The following TMEM74 variants were observed in gnomAD, a reference collection of about 807,000 sequenced individuals.
TMEM74 encodes the protein transmembrane protein 74.
A neutral mutation model predicts 18.1 loss-of-function variants in TMEM74; 13 were observed. The ratio of observed to expected loss-of-function variants is 0.72; its 90% confidence interval spans 0.47 to 1.14. The LOEUF is 1.14. Among genes scored for constraint, TMEM74 ranks in the 50% most tolerant of loss-of-function variants. TMEM74 has a pLI of 0.00. For missense variants in TMEM74, 372 were observed against 375.9 expected (o/e 0.99, Z 0.09); for synonymous variants, 159 against 146.6 (o/e 1.08, Z -0.61).
chr8:108,778,290 C>T (rs974686067), downstream of TMEM74, among the ~76,000 whole-genome samples: 1 of 152,108 alleles, frequency 6.6e-6, no homozygotes, highest in African/African-American at 2.4e-5. Context: ...TACATGTTGA[C>T]CTGGTGCAGT....
At chr8:108,648,010 A>G (rs1406741589) in intron 2 of TMEM74, among the ~76,000 whole-genome samples, 1 of 152,154 alleles carries the variant, frequency 6.6e-6, no homozygotes, top group African/African-American at 2.4e-5. Context: ...TAGCCATGCA[A>G]AGACCTCAGT....
intron 1 of TMEM74, among the ~76,000 whole-genome samples, chr8:108,764,988 C>G (rs759217620): frequency 9.9e-5 from 15 of 152,096 alleles, no homozygotes; most frequent in Non-Finnish European, 1.6e-4. Context: ...TTTTAGGGCT[C>G]TGATGTGTCT....
At chr8:108,785,951 A>G (rs534742753) in intron 1 of TMEM74, among the ~76,000 whole-genome samples, 1 of 151,236 alleles carries the variant, frequency 6.6e-6, no homozygotes, top group East Asian at 1.9e-4. Flanking sequence ...GGGCCAACCC[A>G]CTCCTCCACA....
At chr8:108,734,757 T>C (rs1014549001) in intron 1 of TMEM74, among the ~76,000 whole-genome samples, 3 of 152,316 alleles carry the variant, frequency 2.0e-5, no homozygotes, top group Admixed American at 6.5e-5. Context: ...AGGTTCATCC[T>C]CGCATCAATT....
At chr8:108,647,177 G>T (rs114844724) in intron 2 of TMEM74, among the ~76,000 whole-genome samples, 6 of 152,198 alleles carry the variant, frequency 3.9e-5, no homozygotes, top group East Asian at 1.9e-4. Flanking sequence ...TGTATTAACA[G>T]CAATCAGGCA....
At chr8:108,744,093 G>T (rs1346532004) in intron 1 of TMEM74, among the ~76,000 whole-genome samples, 1 of 152,092 alleles carries the variant, frequency 6.6e-6, no homozygotes, top group Non-Finnish European at 1.5e-5. Flanking sequence ...TACACTTTAT[G>T]ATTTTACTGT....
At chr8:108,706,960 C>T (rs1023879488) in intron 1 of TMEM74, among the ~76,000 whole-genome samples, 10 of 151,992 alleles carry the variant, frequency 6.6e-5, no homozygotes, top group African/African-American at 1.7e-4. Context: ...TTCCTTTTCC[C>T]GCCTTGAAGT....
At chr8:108,654,650 T>C (rs1244860648) in intron 2 of TMEM74, among the ~76,000 whole-genome samples, 1 of 152,094 alleles carries the variant, frequency 6.6e-6, no homozygotes, top group Non-Finnish European at 1.5e-5. Flanking sequence ...GAAAAGGCAA[T>C]GGGAAGAATT....
At chr8:108,745,439 A>AT (rs771240787) in intron 1 of TMEM74, among the ~76,000 whole-genome samples, 88 of 152,188 alleles carry the variant, frequency 5.8e-4, no homozygotes, top group Non-Finnish European at 9.7e-4. Context: ...AAAAAAAGCT[A>AT]TTTTTTCTCT....
chr8:108,624,259 C>A (rs1464165765), intron 2 of TMEM74, among the ~76,000 whole-genome samples: 1 of 152,038 alleles, frequency 6.6e-6, no homozygotes, highest in African/African-American at 2.4e-5. Flanking sequence ...GTTAACCTGG[C>A]CTTGGCCAGT....
rs770024088 is a variant in TMEM74 at position 108,784,718 on chromosome 8, C to A, written c.381G>T (p.Ser127=). 8.7e-6 allele frequency: 14 copies of A among 1,614,106 alleles called. No individual in the cohort carries two copies. Among genetic ancestry groups the A allele is most frequent in the Non-Finnish European group, 1.2e-5 (14 of 1,179,994 alleles). ...GGTGATTATGCCCTTTTGCTGATGG[C>A]GAGCTCCGGTTCCGCTGCTCCAAGT... ...NINLEQRNRS[S]PSAKGHNHPG... Residue 127 remains serine, a synonymous_variant, in exon 2 of 2, where the codon TCG becomes TCT. Transcript: ENST00000297459.
At position 108,742,140 on chromosome 8, in the gene TMEM74, C is replaced by T. The variant is rs151206568; in HGVS notation, n.119+45336G>A. Reference sequence around the variant, plus strand: ...AGAAGGGAGCAACAGACACTGGGGTCGGGTTGAGGGTGGGAGGAGGGAGAG... The same window carrying T: ...AGAAGGGAGCAACAGACACTGGGGTTGGGTTGAGGGTGGGAGGAGGGAGAG... On this transcript the variant is annotated intron_variant and non_coding_transcript_variant, in intron 1 of 3. Transcript: ENST00000518838. 5.8e-3 allele frequency among the ~76,000 whole-genome samples: 877 copies of T among 151,288 alleles called. 1 individual carries two copies. Among genetic ancestry groups the T allele is most frequent in the Non-Finnish European group, 8.3e-3 (565 of 67,814 alleles).
intron 1 of TMEM74, among the ~76,000 whole-genome samples, chr8:108,751,543 C>G (rs1054937665): frequency 1.3e-5 from 2 of 152,012 alleles, no homozygotes; most frequent in Admixed American, 1.3e-4. Flanking sequence ...ACATTGGTTA[C>G]AAATTTATAT....
intron 1 of TMEM74, among the ~76,000 whole-genome samples, chr8:108,702,208 G>A (rs1813342645): frequency 6.6e-6 from 1 of 151,922 alleles, no homozygotes; most frequent in African/African-American, 2.4e-5. Context: ...GCCAGGTGTG[G>A]TGGTGGGCAC....
chr8:108,748,011 C>T (rs1281429376), intron 1 of TMEM74, among the ~76,000 whole-genome samples: 1 of 152,010 alleles, frequency 6.6e-6, no homozygotes, highest in African/African-American at 2.4e-5. Context: ...GTGAATAGTG[C>T]TGCAATGAAC....
chr8:108,663,658 G>A (rs1049602976), intron 1 of TMEM74, among the ~76,000 whole-genome samples: 7 of 152,160 alleles, frequency 4.6e-5, no homozygotes, highest in African/African-American at 7.2e-5. Context: ...ATACATGCAC[G>A]CATATGTTCA....
intron 1 of TMEM74, among the ~76,000 whole-genome samples, chr8:108,759,757 GA>G (rs1342578052): frequency 6.6e-6 from 1 of 152,132 alleles, no homozygotes; most frequent in Non-Finnish European, 1.5e-5. Context: ...CTATGGAGGA[GA>G]ACTGAGAGAA....
intron 1 of TMEM74, among the ~76,000 whole-genome samples, chr8:108,696,507 C>A (rs570871848): frequency 7.2e-5 from 11 of 152,112 alleles, no homozygotes; most frequent in Admixed American, 2.0e-4. Flanking sequence ...GTGCAAATAG[C>A]GGTAGCAAAT....
At position 108,724,949 on chromosome 8, in the gene TMEM74, T is replaced by G. The variant is rs565559231; in HGVS notation, n.119+62527A>C. 3.0e-3 allele frequency among the ~76,000 whole-genome samples: 458 copies of G among 152,334 alleles called. 2 individuals carry two copies. The highest frequency in any genetic ancestry group is 9.6e-3 in the African/African-American group (399 of 41,576). On this transcript the variant is annotated intron_variant and non_coding_transcript_variant, in intron 1 of 3. Coordinates refer to the TMEM74 transcript ENST00000518838. ...TCCTCTTAGAATAAAACACAACCTC[T>G]TTTCTTCAGCCTCTAGGCCCTGCAC...
Sources: gnomAD v4.1 joint callset for allele counts (sites outside exome capture counted in the v4.1 genomes callset) on GRCh38, gnomAD v4.1.1 for gene constraint, MANE v1.5 for transcripts, NCBI Gene and HGNC (gene_info 2026-07-23, HGNC 2026-07-21) for gene names.